UPRT: variants seen among roughly 807,000 people sequenced by gnomAD.
The protein encoded by UPRT is uracil phosphoribosyltransferase homolog.
Under a neutral mutation model 22.6 loss-of-function variants are expected in UPRT, and 5 were observed. That is an observed-to-expected ratio of 0.22 (90% CI 0.12 to 0.47). The LOEUF (loss-of-function observed/expected upper bound fraction) is 0.47. UPRT is among the 20% of genes least tolerant of loss of function. The pLI, the probability that UPRT is intolerant of heterozygous loss-of-function variation, is 0.99. For synonymous variants in UPRT, 77 were observed against 87.7 expected, an observed-to-expected ratio of 0.88 and a Z score of 0.68; for missense variants, 181 against 239.9, an observed-to-expected ratio of 0.75 and a Z score of 1.62.
chrX:75,251,641 G>A (rs954849827), intron 4 of UPRT, among the ~76,000 whole-genome samples: 2 of 111,547 alleles, frequency 1.8e-5, no homozygotes, highest in Admixed American at 9.6e-5. Flanking sequence ...TACTGCCCAA[G>A]GTAATTTATA....
At chrX:75,249,881 A>G (rs2082522216) in intron 4 of UPRT, among the ~76,000 whole-genome samples, 1 of 111,660 alleles carries the variant, frequency 9.0e-6, no homozygotes. Context: ...CAGTGCAATC[A>G]AACTGGAACT....
chrX:75,269,604 A>G (rs771810696), upstream of UPRT, among the ~76,000 whole-genome samples: 1 of 111,632 alleles, frequency 9.0e-6, no homozygotes, highest in Admixed American at 9.6e-5. Context: ...AACACCATAC[A>G]TCTACAACCA....
At chrX:75,207,231 C>T (rs898790318) in intron 4 of UPRT, among the ~76,000 whole-genome samples, 1 of 112,151 alleles carries the variant, frequency 8.9e-6, no homozygotes, top group African/African-American at 3.2e-5. Flanking sequence ...AATGTTAACA[C>T]TCCCTTTAGT....
At chrX:75,221,046 A>G (rs1173983782) in intron 4 of UPRT, among the ~76,000 whole-genome samples, 1 of 111,612 alleles carries the variant, frequency 9.0e-6, no homozygotes, top group Non-Finnish European at 1.9e-5. Context: ...CTAGGAAAGT[A>G]TTTTTCTTTT....
At chrX:75,244,004 G>T (rs1392805638) in intron 4 of UPRT, among the ~76,000 whole-genome samples, 3 of 111,347 alleles carry the variant, frequency 2.7e-5, no homozygotes, top group African/African-American at 9.8e-5. Context: ...AGATGCACAG[G>T]TTTTCAAAAG....
At chrX:75,194,661 C>T (rs2082327501) in intron 4 of UPRT, among the ~76,000 whole-genome samples, 1 of 110,813 alleles carries the variant, frequency 9.0e-6, no homozygotes, top group Admixed American at 9.6e-5. Flanking sequence ...ACTATGAGTG[C>T]CCTTTGAGCA....
rs1411828628 is a variant in UPRT, at chrX:75,299,817, A to T, written c.645A>T (p.Thr215=). The T allele has an allele frequency of 2.5e-6, 3 of 1,209,901 alleles. No individual in the cohort carries two copies. Residue 215 remains threonine, a synonymous_variant, in exon 5 of 7, where the codon ACA becomes ACT. Transcript: ENST00000373383. ...GKILIQSDEE[T]QRAKVYYAKF... ...TCCTGATTCAGAGTGATGAGGAGAC[A>T]CAAAGAGCCAAAGTATATTATGCCA...
rs765683386 is a variant in UPRT, at chrX:75,274,572, C to T, written c.318C>T (p.Ile106=). Residue 106 remains isoleucine, a synonymous_variant, in exon 1 of 7, where the codon ATC becomes ATT. Transcript: ENST00000373383. ...FLEDCELSRQ[I]GAQLKLLPMN... ...AGGACTGCGAACTCTCCCGGCAGAT[C>T]GGGGCGCAGCTTAAGCTGCTGCCTA... 4 of 1,208,546 alleles carry T rather than the reference C, an allele frequency of 3.3e-6. No homozygotes were observed. In the African/African-American group the frequency reaches 7.0e-5, roughly 21 times the overall value.
chrX:75,247,461 G>T (rs1157366581), intron 4 of UPRT, among the ~76,000 whole-genome samples: 1 of 111,632 alleles, frequency 9.0e-6, no homozygotes. Flanking sequence ...AGGGTCCTAT[G>T]CCCACAGAGC....
chrX:75,247,537 G>A (rs2082511185), intron 4 of UPRT, among the ~76,000 whole-genome samples: 1 of 112,014 alleles, frequency 8.9e-6, no homozygotes, highest in East Asian at 2.8e-4. Context: ...TGGGGGAGGG[G>A]CACCAGATAT....
chrX:75,298,968 A>T (rs191581067), intron 4 of UPRT, among the ~76,000 whole-genome samples: 2 of 112,859 alleles, frequency 1.8e-5, no homozygotes, highest in East Asian at 5.5e-4. Flanking sequence ...TACACTAGTG[A>T]TATAGTTTCC....
intron 4 of UPRT, among the ~76,000 whole-genome samples, chrX:75,182,831 C>T (rs144574532): frequency 0.018 from 1,957 of 109,860 alleles, 48 homozygotes; most frequent in African/African-American, 0.061. Flanking sequence ...TGGCTTTAAA[C>T]ACCTCAATTT....
intron 1 of UPRT, among the ~76,000 whole-genome samples, chrX:75,291,235 A>T (rs1451592179): frequency 8.9e-6 from 1 of 112,154 alleles, no homozygotes; most frequent in African/African-American, 3.2e-5. Flanking sequence ...GTGCCTGGAT[A>T]TCATTATCTG....
intron 3 of UPRT, among the ~76,000 whole-genome samples, chrX:75,296,659 TGCCTCTAATGATG>T (rs1474844985): frequency 8.9e-6 from 1 of 112,000 alleles, no homozygotes; most frequent in Non-Finnish European, 1.9e-5. Flanking sequence ...ATGCACGTGT[TGCCTCTAATGATG>T]GCCCATTGAG....
At chrX:75,189,740 C>G (rs2082308149) in intron 4 of UPRT, among the ~76,000 whole-genome samples, 1 of 111,770 alleles carries the variant, frequency 8.9e-6, no homozygotes, top group Non-Finnish European at 1.9e-5. Context: ...TATGTAATGG[C>G]CTTCTTCATC....
chrX:75,232,287 C>T (rs1280817899), intron 4 of UPRT, among the ~76,000 whole-genome samples: 1 of 112,589 alleles, frequency 8.9e-6, no homozygotes, highest in Admixed American at 9.3e-5. Flanking sequence ...TCGGAGGGTC[C>T]TATGCCCACG....
intron 4 of UPRT, among the ~76,000 whole-genome samples, chrX:75,231,496 G>A (rs1297775325): frequency 8.9e-6 from 1 of 112,217 alleles, no homozygotes; most frequent in African/African-American, 3.2e-5. Context: ...CTGAGGAAAA[G>A]AGAAATCTAA....
chrX:75,180,423 T>A (rs967429476), intron 4 of UPRT, among the ~76,000 whole-genome samples: 7 of 111,833 alleles, frequency 6.3e-5, no homozygotes, highest in African/African-American at 2.0e-4. Flanking sequence ...AGTGAAGGTG[T>A]GTATTTGAGG....
At chrX:75,285,139 C>CT (rs1258056674) in intron 1 of UPRT, among the ~76,000 whole-genome samples, 1 of 111,337 alleles carries the variant, frequency 9.0e-6, no homozygotes, top group Non-Finnish European at 1.9e-5. Flanking sequence ...GCTGGTCTCA[C>CT]TCCCACCATG....
Sources: gnomAD v4.1 joint callset for allele counts (sites outside exome capture counted in the v4.1 genomes callset) on GRCh38, gnomAD v4.1.1 for gene constraint, MANE v1.5 for transcripts, NCBI Gene and HGNC (gene_info 2026-07-23, HGNC 2026-07-21) for gene names.